The following TRIM16 variants were observed in gnomAD, a reference collection of about 807,000 sequenced individuals.
TRIM16 encodes the protein tripartite motif containing 16, also known as tripartite motif-containing protein 16.
Under a neutral mutation model 50.4 loss-of-function variants are expected in TRIM16, and 33 were observed. That is an observed-to-expected ratio of 0.65 (90% CI 0.50 to 0.88). The LOEUF (loss-of-function observed/expected upper bound fraction) is 0.88. Ranked by LOEUF, TRIM16 falls within the 40% of genes least tolerant of loss-of-function variation. The pLI, the probability that TRIM16 is intolerant of heterozygous loss-of-function variation, is 0.00. For synonymous variants in TRIM16, 229 were observed against 270.7 expected (o/e 0.85, Z 1.51); for missense variants, 581 against 686.8 (o/e 0.85, Z 1.72).
rs1597676360 is a variant in TRIM16, at chr17:15,677,577, A to T, written c.-445T>A. The T allele has an allele frequency of 9.5e-7, 1 of 1,052,382 alleles. No individual in the cohort carries two copies. The highest frequency in any genetic ancestry group is 1.2e-6 in the Non-Finnish European group (1 of 862,836). 65.2% of individuals were successfully genotyped at this position (1,052,382 alleles called of 1,614,324 possible). On this transcript the variant is annotated splice_region_variant and 5_prime_UTR_variant, in exon 5 of 12. The change creates a premature stop within an existing upstream ORF in the 5' untranslated region. Transcript: ENST00000649191. ...GGGGTGGAAGGACCCAAGCTCACCC[A>T]AGGAGACCAGGTTCCTATAGTTCTC...
rs1989198171 is a variant in TRIM16, at chr17:15,681,866, G to A, written c.-678-913C>T. Among the ~76,000 whole-genome samples the A allele has an allele frequency of 2.0e-5, 3 of 152,206 alleles. No individual in the cohort carries two copies. The South Asian group carries it at 6.2e-4, about 32-fold the overall frequency. ...AACCTCCTTGTGGATTTGTTTGGGG[G>A]AAGAAGTAGTTCTTTTAGGCCTCAG... On this transcript the variant is annotated intron_variant, in intron 3 of 11. Coordinates refer to ENST00000649191, the MANE Select transcript of TRIM16 (RefSeq NM_001348119.1).
chr17:15,667,500 C>T (rs1018975045), intron 6 of TRIM16, among the ~76,000 whole-genome samples: 2 of 152,090 alleles, frequency 1.3e-5, no homozygotes, highest in Non-Finnish European at 1.5e-5. Context: ...AAAATGTACA[C>T]GTGCAATTGT....
rs1313906227 is a variant in TRIM16 at position 15,635,332 on chromosome 17, T to G, written c.849+704A>C. Among the ~76,000 whole-genome samples the G allele has an allele frequency of 1.3e-5, 2 of 148,922 alleles. 1 individual carries two copies. The highest frequency in any genetic ancestry group is 3.0e-5 in the Non-Finnish European group (2 of 67,170). ...GTTGCAGTTTACCCCCAACCTAGTG[T>G]TCCTTCCTCGAAAGGTTACATGTTC... On this transcript the variant is annotated intron_variant, in intron 9 of 11. Transcript: ENST00000649191.
At chr17:15,682,247 C>T (rs1362952800) in intron 3 of TRIM16, among the ~76,000 whole-genome samples, 2 of 151,878 alleles carry the variant, frequency 1.3e-5, no homozygotes, top group Non-Finnish European at 2.9e-5. Context: ...CTTTGTTTTA[C>T]GAGGAAAAAA....
intron 6 of TRIM16, among the ~76,000 whole-genome samples, chr17:15,675,855 C>CATAT (rs58850080): frequency 7.4e-5 from 11 of 147,804 alleles, no homozygotes; most frequent in African/African-American, 2.5e-4. Context: ...ATATACTATA[C>CATAT]ATATATATAT....
intron 6 of TRIM16, among the ~76,000 whole-genome samples, chr17:15,656,021 C>T (rs1987964292): frequency 6.6e-6 from 1 of 152,168 alleles, no homozygotes; most frequent in East Asian, 1.9e-4. Context: ...TGGGAGACGG[C>T]ATCATGCTCA....
At chr17:15,670,580 C>T (rs1475857377) in intron 6 of TRIM16, among the ~76,000 whole-genome samples, 1 of 152,166 alleles carries the variant, frequency 6.6e-6, no homozygotes, top group Non-Finnish European at 1.5e-5. Context: ...TCCAGATCTC[C>T]ATCTCCTCAC....
At chr17:15,679,348 A>C (rs1989081692) in intron 4 of TRIM16, among the ~76,000 whole-genome samples, 1 of 152,200 alleles carries the variant, frequency 6.6e-6, no homozygotes, top group Admixed American at 6.5e-5. Context: ...TAAGTTCAGG[A>C]AACAATGTGT....
chr17:15,649,970 C>T (rs569491705), intron 7 of TRIM16, among the ~76,000 whole-genome samples: 1 of 152,296 alleles, frequency 6.6e-6, no homozygotes, highest in Non-Finnish European at 1.5e-5. Context: ...TGGGACACTC[C>T]CTACCCTGGG....
intron 1 of TRIM16, chr17:15,683,749 C>T (rs1989270758): frequency 6.5e-6 from 1 of 153,240 alleles, no homozygotes; most frequent in Admixed American, 6.5e-5. Flanking sequence ...ACGCTCACAT[C>T]AGAGCAATAC....
intron 6 of TRIM16, among the ~76,000 whole-genome samples, chr17:15,666,771 T>C (rs1396149222): frequency 6.6e-6 from 1 of 152,240 alleles, no homozygotes; most frequent in Non-Finnish European, 1.5e-5. Context: ...CTGAGTAGCA[T>C]TCCATGCTAT....
chr17:15,655,767 G>A lies in TRIM16; in HGVS notation c.-337-3821C>T, dbSNP rs369817968. On this transcript the variant is annotated intron_variant, in intron 6 of 11. Transcript: ENST00000649191. ...TTTTTTGTATTTTTAGTAGAGACGG[G>A]GTTTCACCGTGTTAGCCAGGATGGT... is the stretch of plus-strand genomic sequence containing the variant. Among the ~76,000 whole-genome samples, 10 of 152,206 alleles carry A rather than the reference G, an allele frequency of 6.6e-5. No individual in the cohort carries two copies. In the East Asian group the frequency reaches 1.9e-3, roughly 29 times the overall value.
At chr17:15,656,787 T>C (rs1197213121) in intron 6 of TRIM16, among the ~76,000 whole-genome samples, 1 of 152,252 alleles carries the variant, frequency 6.6e-6, no homozygotes, top group South Asian at 2.1e-4. Flanking sequence ...TCTCAAAACT[T>C]TGTCGCCCAG....
chr17:15,654,880 C>T (rs143115485), intron 6 of TRIM16, among the ~76,000 whole-genome samples: 4 of 152,052 alleles, frequency 2.6e-5, no homozygotes, highest in Non-Finnish European at 5.9e-5. Context: ...TAATAAGTAT[C>T]CTCCTCAATC....
At chr17:15,641,473 C>A (rs1013267157) in intron 8 of TRIM16, among the ~76,000 whole-genome samples, 1 of 148,840 alleles carries the variant, frequency 6.7e-6, no homozygotes, top group Admixed American at 6.7e-5. Flanking sequence ...TAACTACCTC[C>A]CCTGGTCATC....
chr17:15,671,366 T>C (rs570323472), intron 6 of TRIM16, among the ~76,000 whole-genome samples: 30 of 141,876 alleles, frequency 2.1e-4, no homozygotes, highest in Non-Finnish European at 3.9e-4. Flanking sequence ...AATTTTATAG[T>C]ATTCTTAATT....
chr17:15,682,808 T>C (rs564399970), intron 3 of TRIM16, 46 bp downstream of exon 3: 2 of 1,382,218 alleles, frequency 1.4e-6, no homozygotes, highest in African/African-American at 2.9e-5. Context: ...AGTTTCAAAT[T>C]AAAAGGGAAT....
chr17:15,639,053 T>C lies in TRIM16; in HGVS notation c.616-2784A>G, dbSNP rs558298241. ...CCCTACATTCTCTCTCTCTTTTTTT[T>C]TTTTTTTTTTTTTTTTTTTAGACAA... On this transcript the variant is annotated intron_variant, in intron 8 of 11. Coordinates refer to ENST00000649191, the MANE Select transcript of TRIM16 (RefSeq NM_001348119.1). Among the ~76,000 whole-genome samples the C allele has an allele frequency of 1.0e-3, 135 of 130,414 alleles. 8 individuals carry two copies. Among genetic ancestry groups the C allele is most frequent in the African/African-American group, 3.7e-3 (122 of 32,696 alleles). The allele number at this position is 130,414 out of a possible 152,430, so 85.6% of individuals were successfully genotyped here.
chr17:15,634,261 G>A (rs1327386409), intron 9 of TRIM16, among the ~76,000 whole-genome samples: 1 of 148,040 alleles, frequency 6.8e-6, no homozygotes, highest in Non-Finnish European at 1.5e-5. Context: ...CCCAGGAGGT[G>A]GAGCTTTCAG....
Sources: gnomAD v4.1 joint callset for allele counts (sites outside exome capture counted in the v4.1 genomes callset) on GRCh38, gnomAD v4.1.1 for gene constraint, MANE v1.5 for transcripts, NCBI Gene and HGNC (gene_info 2026-07-23, HGNC 2026-07-21) for gene names.